Variants in ST8SIA5 observed in about 807,000 individuals in gnomAD.
ST8SIA5 encodes the protein ST8 alpha-N-acetyl-neuraminide alpha-2,8-sialyltransferase 5.
Under a neutral mutation model 40.2 loss-of-function variants are expected in ST8SIA5, and 24 were observed. That is an observed-to-expected ratio of 0.60 (90% CI 0.43 to 0.84). The LOEUF is 0.84. Ranked by LOEUF, ST8SIA5 falls within the 40% of genes least tolerant of loss-of-function variation. The pLI is 0.00. For missense variants in ST8SIA5, 465 were observed against 498.5 expected (o/e 0.93, Z 0.64); for synonymous variants, 198 against 201.8 (o/e 0.98, Z 0.16).
rs148724397 is a variant in ST8SIA5 at position 46,700,555 on chromosome 18, T to G, written c.224+4017A>C. Among the ~76,000 whole-genome samples, 962 of 152,176 alleles carry G rather than the reference T, an allele frequency of 6.3e-3. 9 individuals carry two copies. The highest frequency in any genetic ancestry group is 0.021 in the African/African-American group (892 of 41,526). ...CCTGGAGGACCTGCTGACCCTCAGCTTGGGGACTCAGGAAAGGAGGCACAC... is the reference window on the plus strand; with the variant it reads ...CCTGGAGGACCTGCTGACCCTCAGCGTGGGGACTCAGGAAAGGAGGCACAC... On this transcript the variant is annotated intron_variant, in intron 2 of 6. Coordinates refer to ENST00000315087, the MANE Select transcript of ST8SIA5 (RefSeq NM_013305.6).
In ST8SIA5 at chr18:46,721,190, C is replaced by A. The variant is rs551915930; in HGVS notation, c.132-16526G>T. 3.9e-5 allele frequency among the ~76,000 whole-genome samples: 6 copies of A among 152,256 alleles called. No individual in the cohort carries two copies. The South Asian group carries it at 1.0e-3, about 26-fold the overall frequency. On this transcript the variant is annotated intron_variant, in intron 1 of 6. Coordinates refer to ENST00000315087, the MANE Select transcript of ST8SIA5 (RefSeq NM_013305.6). ...GGTCCTATGCCTCACCCTTCAAATT[C>A]ATTCACCTTCAAGTTAAAGGAACCA...
chr18:46,748,750 G>A (rs555728485), intron 1 of ST8SIA5, among the ~76,000 whole-genome samples: 65 of 151,834 alleles, frequency 4.3e-4, no homozygotes, highest in African/African-American at 1.5e-3. Flanking sequence ...TAATAAAAGT[G>A]TTATCAAGGA....
chr18:46,692,335 G>A (rs1039598368), intron 2 of ST8SIA5, 80 bp from the exon 3 acceptor site: 2 of 1,312,268 alleles, frequency 1.5e-6, no homozygotes, highest in Non-Finnish European at 2.2e-6. Context: ...GCTCCCTCCT[G>A]ATCTCCCATA....
In ST8SIA5 at chr18:46,716,085, A is replaced by AGGAT. The variant is rs797000023; in HGVS notation, c.132-11425_132-11422dup. On this transcript the variant is annotated intron_variant, in intron 1 of 6. Transcript: ENST00000315087. Reference sequence around the variant, plus strand: ...GAGTGCTGGGACTGTGGAGTCACACAGGATAGATAGATAGATAGATAGATA... The same window carrying AGGAT: ...GAGTGCTGGGACTGTGGAGTCACACAGGATGGATAGATAGATAGATAGATAGATA... Among the ~76,000 whole-genome samples the AGGAT allele has an allele frequency of 9.6e-3, 917 of 95,512 alleles. 11 individuals are homozygous for AGGAT. The highest frequency in any genetic ancestry group is 0.024 in the Middle Eastern group (4 of 168). 62.7% of individuals were successfully genotyped at this position (95,512 alleles called of 152,430 possible). A position where few individuals can be genotyped will look rare whatever the true frequency, so the allele number is the denominator to read the frequency against.
chr18:46,739,598 G>A (rs2040068867), intron 1 of ST8SIA5, among the ~76,000 whole-genome samples: 1 of 152,196 alleles, frequency 6.6e-6, no homozygotes, highest in Non-Finnish European at 1.5e-5. Context: ...CTTCAGCACA[G>A]ACTGACAATT....
At chr18:46,730,739 T>A (rs540523382) in intron 1 of ST8SIA5, among the ~76,000 whole-genome samples, 1 of 152,256 alleles carries the variant, frequency 6.6e-6, no homozygotes, top group African/African-American at 2.4e-5. Flanking sequence ...AGGTTGAGGC[T>A]GCAATTAGTC....
intron 6 of ST8SIA5, among the ~76,000 whole-genome samples, chr18:46,681,330 G>C (rs1039814597): frequency 6.6e-6 from 1 of 152,086 alleles, no homozygotes; most frequent in African/African-American, 2.4e-5. Flanking sequence ...TGACTTTGCT[G>C]TCTCTTCCCG....
intron 1 of ST8SIA5, among the ~76,000 whole-genome samples, chr18:46,710,427 C>CTTTCTTTCTGTCTTTTTCTT (rs1555695737): frequency 7.9e-5 from 9 of 113,972 alleles, no homozygotes; most frequent in Non-Finnish European, 1.5e-4. Flanking sequence ...TTTTCTTTCT[C>CTTTCTTTCTGTCTTTTTCTT]TCTCTTTCTT....
intron 1 of ST8SIA5, among the ~76,000 whole-genome samples, chr18:46,728,055 T>G (rs1156890658): frequency 6.6e-6 from 1 of 151,610 alleles, no homozygotes; most frequent in Non-Finnish European, 1.5e-5. Flanking sequence ...ATTAGCTGGG[T>G]ATGGAGGCAT....
Position 46,688,896 on chromosome 18 carries a change from T to C in ST8SIA5, c.335A>G (p.Asn112Ser). The C allele has an allele frequency of 6.2e-7, 1 of 1,613,508 alleles. No individual in the cohort carries two copies. Among genetic ancestry groups the C allele is most frequent in the Non-Finnish European group, 8.5e-7 (1 of 1,179,756 alleles). ...GGTGGTGAAGAGAAAGGCAGGGGCG[T>C]TGCAGCACCTGGACAGAGTAGACCT... ...QFKSTLSRCC[N>S]APAFLFTTQK... The change falls in exon 4 of 7, where the codon AAC (asparagine) becomes AGC (serine). Residue 112 changes from asparagine to serine, a missense_variant. By Grantham distance (46) the Asn-to-Ser change is conservative. Coordinates refer to ENST00000315087, the MANE Select transcript of ST8SIA5 (RefSeq NM_013305.6).
intron 1 of ST8SIA5, among the ~76,000 whole-genome samples, chr18:46,752,817 G>A (rs1345097299): frequency 6.6e-6 from 1 of 152,228 alleles, no homozygotes; most frequent in Non-Finnish European, 1.5e-5. Context: ...AAGAATGGCA[G>A]CCTTCAGGAA....
intron 1 of ST8SIA5, among the ~76,000 whole-genome samples, chr18:46,752,429 G>A (rs1445227359): frequency 6.6e-6 from 1 of 152,184 alleles, no homozygotes; most frequent in African/African-American, 2.4e-5. Context: ...CAGACATGGA[G>A]AAGCCAAGAG....
At chr18:46,704,451 G>T in intron 2 of ST8SIA5, 121 bp downstream of exon 2, 1 of 843,064 alleles carries the variant, frequency 1.2e-6, no homozygotes, top group Non-Finnish European at 1.9e-6. Context: ...CCTACTTTTC[G>T]CTCTATAGGA....
At chr18:46,685,718 A>G (rs2039439295) in intron 5 of ST8SIA5, among the ~76,000 whole-genome samples, 1 of 152,180 alleles carries the variant, frequency 6.6e-6, no homozygotes, top group Non-Finnish European at 1.5e-5. Context: ...AGATCCACAA[A>G]GAGATAAGAG....
chr18:46,751,873 T>C (rs1378190535), intron 1 of ST8SIA5, among the ~76,000 whole-genome samples: 1 of 152,172 alleles, frequency 6.6e-6, no homozygotes, highest in Non-Finnish European at 1.5e-5. Context: ...AACACTGATG[T>C]CAGTGGTTGG....
chr18:46,748,555 CAAAAA>C (rs71162822), intron 1 of ST8SIA5, among the ~76,000 whole-genome samples: 3 of 78,386 alleles, frequency 3.8e-5, no homozygotes, highest in African/African-American at 5.2e-5. Flanking sequence ...AACTTCCTCT[CAAAAA>C]AAAAAAAAAA....
At chr18:46,700,351 C>T (rs2039599954) in intron 2 of ST8SIA5, among the ~76,000 whole-genome samples, 1 of 152,214 alleles carries the variant, frequency 6.6e-6, no homozygotes, top group Admixed American at 6.5e-5. Flanking sequence ...GGGCAAAGCA[C>T]ATCCATCAGC....
At chr18:46,717,004 G>T (rs949899795) in intron 1 of ST8SIA5, among the ~76,000 whole-genome samples, 1 of 152,214 alleles carries the variant, frequency 6.6e-6, no homozygotes, top group African/African-American at 2.4e-5. Context: ...GCTCTGCTGG[G>T]ACAGTGTCTG....
intron 1 of ST8SIA5, among the ~76,000 whole-genome samples, chr18:46,732,589 T>C (rs2039995275): frequency 6.6e-6 from 1 of 152,176 alleles, no homozygotes; most frequent in Non-Finnish European, 1.5e-5. Flanking sequence ...GGAATGAGAA[T>C]GACTGTACTC....
Sources: gnomAD v4.1 joint callset for allele counts (sites outside exome capture counted in the v4.1 genomes callset) on GRCh38, gnomAD v4.1.1 for gene constraint, MANE v1.5 for transcripts, NCBI Gene and HGNC (gene_info 2026-07-23, HGNC 2026-07-21) for gene names.